Variants in ZNF232 observed in about 807,000 individuals in gnomAD.
The protein encoded by ZNF232 is zinc finger protein 232, also known as zinc finger and SCAN domain-containing protein 11.
Under a neutral mutation model 25.2 loss-of-function variants are expected in ZNF232, and 25 were observed. That is an observed-to-expected ratio of 0.99 (90% CI 0.72 to 1.39). The LOEUF is 1.39. Among genes scored for constraint, ZNF232 ranks in the 40% most tolerant of loss-of-function variants. The pLI is 0.00. For synonymous variants in ZNF232, 193 were observed against 182.9 expected (o/e 1.06, Z -0.45); for missense variants, 519 against 520.9 (o/e 1.00, Z 0.04).
intron 1 of ZNF232, chr17:5,111,260 T>C (rs2072401223): frequency 6.5e-6 from 1 of 154,058 alleles, no homozygotes; most frequent in South Asian, 2.0e-4. Context: ...TTTTTTTCCG[T>C]GACTCAGTTT....
intron 1 of ZNF232, chr17:5,111,166 A>T (rs2072398755): frequency 6.6e-6 from 1 of 152,318 alleles, no homozygotes; most frequent in Non-Finnish European, 1.5e-5. Flanking sequence ...GTTCGTTTCC[A>T]TTGCCAGGGT....
chr17:5,113,461 A>T (rs2072464180), upstream of ZNF232: 1 of 152,264 alleles, frequency 6.6e-6, no homozygotes, highest in East Asian at 1.9e-4. Flanking sequence ...CAGTATGTCA[A>T]ACTTCAATGT....
intron 1 of ZNF232, among the ~76,000 whole-genome samples, chr17:5,120,050 G>C (rs1261823011): frequency 6.6e-6 from 1 of 152,114 alleles, no homozygotes; most frequent in South Asian, 2.1e-4. Context: ...GAGGCCTTAC[G>C]TGCCCTCTCC....
chr17:5,111,710 G>T (rs2072416664), intron 1 of ZNF232, 90 bp downstream of exon 1: 66 of 1,601,944 alleles, frequency 4.1e-5, no homozygotes, highest in Non-Finnish European at 1.7e-6. Flanking sequence ...TGCCTGCCAG[G>T]CCTGCTCACT....
At chr17:5,105,884 T>C in exon 4 of ZNF232, 1 of 1,613,994 alleles carries the variant, frequency 6.2e-7, no homozygotes, top group Non-Finnish European at 8.5e-7. Context: ...CTGAGCACCA[T>C]CCATAAGCTT....
At chr17:5,111,821 A>C in exon 1 of ZNF232, 1 of 1,613,842 alleles carries the variant, frequency 6.2e-7, no homozygotes. Context: ...AGGAGGTTCC[A>C]TCGGGGCGCT....
intron 1 of ZNF232, among the ~76,000 whole-genome samples, chr17:5,119,020 C>A (rs1292110411): frequency 6.6e-6 from 1 of 152,142 alleles, no homozygotes; most frequent in Admixed American, 6.6e-5. Flanking sequence ...TCAGGCTTTT[C>A]GGCTCAAAGA....
intron 3 of ZNF232, among the ~76,000 whole-genome samples, 187 bp from the exon 4 acceptor site, chr17:5,106,720 C>T (rs2072269284): frequency 2.0e-5 from 3 of 152,154 alleles, no homozygotes; most frequent in Admixed American, 1.3e-4. Context: ...TCCCATTTAT[C>T]TGCTTTTTTT....
Position 5,109,723 on chromosome 17 carries a change from C to CT in ZNF232, c.168dup (p.Glu57ArgfsTer6). ...GTCTCATACTCACAAGACTGTTCCTCTTCCTTTGGTCCCATCATCATCATC... is the reference window on the plus strand; with the variant it reads ...GTCTCATACTCACAAGACTGTTCCTCTTTCCTTTGGTCCCATCATCATCATC... On this transcript the variant is annotated frameshift_variant, in exon 2 of 4. Coordinates refer to ENST00000575898, the Ensembl canonical transcript of ZNF232. LOFTEE classifies it high-confidence loss of function. 6.2e-7 allele frequency: 1 copy of CT among 1,614,172 alleles called. No homozygotes were observed.
At chr17:5,113,863 G>C (rs545217574), upstream of ZNF232, 67 of 152,312 alleles carry the variant, frequency 4.4e-4, no homozygotes, top group African/African-American at 1.6e-3. Flanking sequence ...TTGTGATGAT[G>C]ATGGTGCTTT....
chr17:5,116,028 G>C (rs1428621178), upstream of ZNF232, among the ~76,000 whole-genome samples: 1 of 152,248 alleles, frequency 6.6e-6, no homozygotes, highest in Admixed American at 6.5e-5. Context: ...AGGCCAGGCA[G>C]AGGGGACAGC....
chr17:5,118,717 G>T (rs1039462402), intron 1 of ZNF232, among the ~76,000 whole-genome samples: 23 of 152,320 alleles, frequency 1.5e-4, no homozygotes, highest in Admixed American at 1.4e-3. Flanking sequence ...TGAAGGTGGA[G>T]AATTTTACAG....
chr17:5,105,961 A>G (rs762922215), exon 4 of ZNF232: 1 of 1,614,166 alleles, frequency 6.2e-7, no homozygotes, highest in South Asian at 1.1e-5. Context: ...CTTAGATATG[A>G]GCTTTGACTA....
chr17:5,115,945 C>A (rs2072525392), upstream of ZNF232, among the ~76,000 whole-genome samples: 1 of 152,178 alleles, frequency 6.6e-6, no homozygotes, highest in Non-Finnish European at 1.5e-5. Context: ...GCCGGGGGAT[C>A]GGGGCGGGGT....
chr17:5,115,554 A>AC (rs1324115042), upstream of ZNF232, among the ~76,000 whole-genome samples: 851 of 68,258 alleles, frequency 0.012, 15 homozygotes, highest in African/African-American at 0.033. Context: ...CCGTCTCCAA[A>AC]AACACACACA....
chr17:5,108,302 C>T (rs189494173), intron 3 of ZNF232, among the ~76,000 whole-genome samples: 12 of 152,184 alleles, frequency 7.9e-5, no homozygotes, highest in African/African-American at 2.2e-4. Flanking sequence ...GTCTAGTGTT[C>T]GCCGCTGGGA....
chr17:5,111,706 C>A (rs2072416469), intron 1 of ZNF232, 94 bp downstream of exon 1: 4 of 1,598,220 alleles, frequency 2.5e-6, no homozygotes, highest in Non-Finnish European at 3.4e-6. Context: ...GAGCTGCCTG[C>A]CAGGCCTGCT....
chr17:5,120,833 G>T (rs1249460296), intron 1 of ZNF232: 1 of 453,966 alleles, frequency 2.2e-6, no homozygotes, highest in Non-Finnish European at 4.4e-6. Context: ...GTGGGCACAT[G>T]TGCTGCATGC....
exon 4 of ZNF232, chr17:5,106,163 C>T (rs1330144965): frequency 1.2e-6 from 2 of 1,614,166 alleles, no homozygotes; most frequent in South Asian, 1.1e-5. Flanking sequence ...AGTCACTACA[C>T]TTATAGGGTT....
Sources: allele counts gnomAD v4.1 joint callset (sites outside exome capture counted in the v4.1 genomes callset), GRCh38; gene constraint gnomAD v4.1.1; transcripts MANE v1.5; gene names NCBI Gene and HGNC (gene_info 2026-07-23, HGNC 2026-07-21).